NEK7: variants seen among roughly 807,000 people sequenced by gnomAD.
NEK7 encodes the protein serine/threonine-protein kinase Nek7.
NEK7 carries 18 observed loss-of-function variants against 44.6 expected under a neutral mutation model. The ratio of observed to expected loss-of-function variants is 0.40; its 90% CI spans 0.28 to 0.60. The LOEUF is 0.60. NEK7 is among the 20% of genes least tolerant of loss of function. NEK7 has a pLI of 0.38. For synonymous variants in NEK7, 130 were observed against 121.1 expected (o/e 1.07, Z -0.48); for missense variants, 256 against 366.5 (o/e 0.70, Z 2.46).
chr1:198,288,782 G>A (rs1173294365), intron 7 of NEK7, among the ~76,000 whole-genome samples: 1 of 152,112 alleles, frequency 6.6e-6, no homozygotes, highest in Non-Finnish European at 1.5e-5. Flanking sequence ...ATGCAACAGG[G>A]CATGGTAAAC....
chr1:198,204,074 A>C (rs1158923131), intron 1 of NEK7, among the ~76,000 whole-genome samples: 1 of 152,074 alleles, frequency 6.6e-6, no homozygotes, highest in Non-Finnish European at 1.5e-5. Flanking sequence ...TGGGCAGCAT[A>C]GCGAGATCCT....
intron 2 of NEK7, among the ~76,000 whole-genome samples, chr1:198,235,778 T>C (rs963505635): frequency 1.3e-5 from 2 of 152,178 alleles, no homozygotes; most frequent in African/African-American, 4.8e-5. Flanking sequence ...TTAATTTTCA[T>C]TGTGATATGA....
intron 8 of NEK7, among the ~76,000 whole-genome samples, chr1:198,295,979 C>A (rs946988721): frequency 2.6e-5 from 4 of 152,146 alleles, no homozygotes; most frequent in Admixed American, 2.6e-4. Flanking sequence ...TTATGTAAAA[C>A]ATAGGCAAGA....
At chr1:198,208,183 C>T (rs751676590) in intron 1 of NEK7, among the ~76,000 whole-genome samples, 60 of 152,218 alleles carry the variant, frequency 3.9e-4, no homozygotes, top group Non-Finnish European at 5.0e-4. Flanking sequence ...TTCATGTAGT[C>T]TTACTTGCTT....
chr1:198,185,190 ATTTTTTTT>A (rs919588030), intron 1 of NEK7, among the ~76,000 whole-genome samples: 23 of 83,820 alleles, frequency 2.7e-4, no homozygotes, highest in African/African-American at 9.7e-4. Flanking sequence ...CATGCTGTCT[ATTTTTTTT>A]TTTTTTTTTT....
intron 2 of NEK7, among the ~76,000 whole-genome samples, chr1:198,252,572 A>C (rs1653085854): frequency 3.4e-5 from 2 of 58,336 alleles, no homozygotes; most frequent in African/African-American, 2.6e-4. Context: ...ATATATAAAA[A>C]GTACATATAT....
intron 7 of NEK7, among the ~76,000 whole-genome samples, chr1:198,287,252 C>A (rs190439902): frequency 1.3e-5 from 2 of 151,942 alleles, no homozygotes; most frequent in African/African-American, 4.8e-5. Context: ...GAGGCCGAAG[C>A]GGGTGGATCA....
chr1:198,176,290 G>A (rs1289806728), intron 1 of NEK7, among the ~76,000 whole-genome samples: 1 of 152,140 alleles, frequency 6.6e-6, no homozygotes, highest in African/African-American at 2.4e-5. Context: ...TTAAATACAT[G>A]AGACAAATGC....
chr1:198,272,385 A>G lies in NEK7; in HGVS notation c.373-5576A>G, dbSNP rs79810726. On this transcript the variant is annotated intron_variant, in intron 5 of 9. Transcript: ENST00000367385. ...GGTAACTGTAGACACTTAAGTAAAG[A>G]TAAGGGATACAGACACCATTATGCT... Among the ~76,000 whole-genome samples the G allele has an allele frequency of 3.6e-3, 550 of 151,992 alleles. 23 individuals are homozygous for G. The East Asian group carries it at 0.088, about 24-fold the overall frequency.
At chr1:198,197,672 A>C in intron 1 of NEK7, 2 of 393,534 alleles carry the variant, frequency 5.1e-6, no homozygotes, top group Non-Finnish European at 9.5e-6. Context: ...AGGTGGGGGT[A>C]GGGGTGGGGA....
At chr1:198,268,554 C>G (rs1383669764) in intron 5 of NEK7, among the ~76,000 whole-genome samples, 1 of 152,084 alleles carries the variant, frequency 6.6e-6, no homozygotes, top group African/African-American at 2.4e-5. Context: ...CAACATCCAG[C>G]ACCCATTCCT....
intron 1 of NEK7, among the ~76,000 whole-genome samples, chr1:198,173,953 G>GT (rs1664526461): frequency 6.6e-6 from 1 of 152,092 alleles, no homozygotes; most frequent in African/African-American, 2.4e-5. Context: ...TCTAGTATAT[G>GT]TTTATGTTTG....
intron 2 of NEK7, among the ~76,000 whole-genome samples, chr1:198,247,701 A>T (rs1162608342): frequency 6.6e-6 from 1 of 151,972 alleles, no homozygotes; most frequent in Non-Finnish European, 1.5e-5. Context: ...AATGTACAAT[A>T]ACAAATTATT....
chr1:198,199,973 G>A (rs1480104082), intron 1 of NEK7, among the ~76,000 whole-genome samples: 1 of 151,992 alleles, frequency 6.6e-6, no homozygotes, highest in African/African-American at 2.4e-5. Flanking sequence ...TGTTCCAACT[G>A]CTCTTTGTCC....
intron 1 of NEK7, among the ~76,000 whole-genome samples, chr1:198,171,882 C>G (rs1443355925): frequency 1.3e-5 from 2 of 152,170 alleles, no homozygotes; most frequent in East Asian, 3.9e-4. Context: ...CAAGGCCTGC[C>G]TGACCCTGAC....
chr1:198,202,282 C>A (rs1665454177), intron 1 of NEK7, among the ~76,000 whole-genome samples: 1 of 152,090 alleles, frequency 6.6e-6, no homozygotes, highest in African/African-American at 2.4e-5. Context: ...TGTGACCCAG[C>A]CTTTCTTCAC....
chr1:198,307,859 T>G (rs573525979), intron 9 of NEK7, among the ~76,000 whole-genome samples: 120 of 152,154 alleles, frequency 7.9e-4, no homozygotes, highest in Non-Finnish European at 1.6e-3. Context: ...TCATCATGTA[T>G]ATATAGCTGT....
chr1:198,178,026 A>AAAG (rs61619051), intron 1 of NEK7, among the ~76,000 whole-genome samples: 22,557 of 151,962 alleles, frequency 0.15, 1,829 homozygotes, highest in East Asian at 0.22. Context: ...TTTCCCTTTA[A>AAAG]AAGGACTCAG....
At chr1:198,209,100 T>TAC (rs1238207641) in intron 1 of NEK7, among the ~76,000 whole-genome samples, 8 of 123,592 alleles carry the variant, frequency 6.5e-5, no homozygotes, top group East Asian at 5.7e-4. Flanking sequence ...CACACATATG[T>TAC]ACACACACAT....
Sources: allele counts gnomAD v4.1 joint callset (sites outside exome capture counted in the v4.1 genomes callset), GRCh38; gene constraint gnomAD v4.1.1; transcripts MANE v1.5; gene names NCBI Gene and HGNC (gene_info 2026-07-23, HGNC 2026-07-21).